The following CACNA1I variants were observed in gnomAD, a reference collection of about 807,000 sequenced individuals.
CACNA1I encodes voltage-dependent T-type calcium channel subunit alpha-1I.
Under a neutral mutation model 201.6 loss-of-function variants are expected in CACNA1I, and 74 were observed. That is an observed-to-expected ratio of 0.37 (90% CI 0.30 to 0.45). CACNA1I has a LOEUF of 0.45. Ranked by LOEUF, CACNA1I falls within the 20% of genes least tolerant of loss-of-function variation. The pLI is 1.00. For synonymous variants in CACNA1I, 1,431 were observed against 1,345.2 expected, an observed-to-expected ratio of 1.06 and a Z score of -1.40; for missense variants, 2,346 against 3,138.1, an observed-to-expected ratio of 0.75 and a Z score of 6.03.
chr22:39,680,207 T>C (rs1171712728), intron 33 of CACNA1I, among the ~76,000 whole-genome samples: 1 of 152,140 alleles, frequency 6.6e-6, no homozygotes, highest in Non-Finnish European at 1.5e-5. Flanking sequence ...TGAGGGGTCA[T>C]CTGCCCGCTC....
intron 1 of CACNA1I, among the ~76,000 whole-genome samples, chr22:39,592,827 CA>C (rs1283829467): frequency 6.6e-6 from 1 of 152,238 alleles, no homozygotes; most frequent in Admixed American, 6.5e-5. Context: ...GGCCAGGCTG[CA>C]GAGTGGCTCA....
intron 1 of CACNA1I, among the ~76,000 whole-genome samples, chr22:39,576,057 G>A (rs1932337431): frequency 6.6e-6 from 1 of 152,194 alleles, no homozygotes; most frequent in Admixed American, 6.5e-5. Flanking sequence ...TTACAGGGGT[G>A]AGCCAATGTG....
chr22:39,657,089 T>G (rs1445411469), intron 10 of CACNA1I, among the ~76,000 whole-genome samples: 2 of 152,164 alleles, frequency 1.3e-5, no homozygotes, highest in Non-Finnish European at 2.9e-5. Flanking sequence ...GGGAAGCAAC[T>G]TTCCCAGGAC....
chr22:39,685,635 C>T lies in CACNA1I; in HGVS notation c.6028-126C>T. The T allele has an allele frequency of 2.5e-6, 2 of 786,182 alleles. No homozygotes were observed. The highest frequency in any genetic ancestry group is 3.7e-6 in the Non-Finnish European group (2 of 543,162). The allele number at this position is 786,182 out of a possible 1,614,324, so 48.7% of individuals were successfully genotyped here. A position where few individuals can be genotyped will look rare whatever the true frequency, so the allele number is the denominator to read the frequency against. On this transcript the variant is annotated intron_variant, in intron 36 of 36. Transcript: ENST00000402142. This position sits in a 1 kb window ranked among gnomAD's most constrained non-coding sequence, Gnocchi z 5.0. ...AAGCTGGACGTGCGGAGGGGAGAAG[C>T]CCTGCTCCGAAGGGAGCTCCTTGGA...
chr22:39,619,545 T>G (rs1043146497), intron 4 of CACNA1I, 138 bp downstream of exon 4: 5 of 664,800 alleles, frequency 7.5e-6, no homozygotes, highest in Non-Finnish European at 8.0e-6. Flanking sequence ...CCGGGTGTGC[T>G]CAGGGATCCT....
intron 5 of CACNA1I, among the ~76,000 whole-genome samples, chr22:39,638,288 G>A (rs927640965): frequency 7.9e-5 from 12 of 152,224 alleles, no homozygotes; most frequent in African/African-American, 2.9e-4. Context: ...ATAGTCAACT[G>A]TCCCAGGACC....
intron 4 of CACNA1I, among the ~76,000 whole-genome samples, chr22:39,631,295 C>T (rs1934054987): frequency 6.6e-6 from 1 of 152,208 alleles, no homozygotes; most frequent in South Asian, 2.1e-4. Context: ...GGGGCTGCAT[C>T]AGGTGTCCTG....
chr22:39,665,350 C>A lies in CACNA1I; in HGVS notation c.3852-148C>A. 1 of 903,042 alleles carries A rather than the reference C, an allele frequency of 1.1e-6. No homozygotes were observed. Among genetic ancestry groups the A allele is most frequent in the Non-Finnish European group, 1.6e-6 (1 of 610,342 alleles). 55.9% of individuals were successfully genotyped at this position (903,042 alleles called of 1,614,324 possible). The stretch of plus-strand genomic sequence containing the variant: ...GCCACTTTCTCTGCATTCCTGGAGA[C>A]TGTCCTCATGCCCCAGGGTGTTCAG... On this transcript the variant is annotated intron_variant, in intron 21 of 36. Coordinates refer to ENST00000402142, the MANE Select transcript of CACNA1I (RefSeq NM_021096.4). The surrounding 1 kb of genome is among the most constrained non-coding windows in gnomAD (Gnocchi z 5.5).
chr22:39,669,748 T>C (rs78348767), intron 24 of CACNA1I, among the ~76,000 whole-genome samples: 3,606 of 152,158 alleles, frequency 0.024, 156 homozygotes, highest in African/African-American at 0.082. Flanking sequence ...GATGGATGGA[T>C]GCATGCATAG....
chr22:39,623,753 T>A (rs564763459), intron 4 of CACNA1I, among the ~76,000 whole-genome samples: 5 of 148,886 alleles, frequency 3.4e-5, no homozygotes, highest in Non-Finnish European at 7.4e-5. Context: ...TGAACATGCG[T>A]GTGTCTATGA....
At chr22:39,668,178 C>G in intron 23 of CACNA1I, 114 bp from the exon 24 acceptor site, 1 of 668,460 alleles carries the variant, frequency 1.5e-6, no homozygotes, top group Middle Eastern at 2.8e-4. Flanking sequence ...CAGAGAAGAC[C>G]TCTTTGTCCC....
At chr22:39,616,459 A>G (rs1473823514) in intron 3 of CACNA1I, among the ~76,000 whole-genome samples, 2 of 152,122 alleles carry the variant, frequency 1.3e-5, no homozygotes, top group African/African-American at 4.8e-5. Context: ...GAGAAACACA[A>G]AGTGTAAGAA....
Position 39,646,848 on chromosome 22 carries a change from C to G in CACNA1I, c.1429C>G (p.Pro477Ala). 6.6e-7 allele frequency: 1 copy of G among 1,522,224 alleles called. No homozygotes were observed. Among genetic ancestry groups the G allele is most frequent in the Non-Finnish European group, 8.8e-7 (1 of 1,136,284 alleles). 94.3% of individuals were successfully genotyped at this position (1,522,224 alleles called of 1,614,324 possible). A position where few individuals can be genotyped will look rare whatever the true frequency, so the allele number is the denominator to read the frequency against. The change falls in exon 8 of 37, where the codon CCT becomes GCT. Residue 477 changes from proline to alanine, a missense_variant. Around this residue, in one of 13 missense-constraint regions of CACNA1I, gnomAD observed 312 missense variants for 331.5 expected, o/e 0.94. Coordinates refer to ENST00000402142, the MANE Select transcript of CACNA1I (RefSeq NM_021096.4). The stretch of plus-strand genomic sequence containing the variant: ...CCCGGAGGCCCCGGCCCCCGCCAAA[C>G]CTGGGCCCCACGCCAAGGAGCCCCG... Reference protein sequence around the residue: ...LGPEAPAPAKPGPHAKEPRHY... With the variant: ...LGPEAPAPAKAGPHAKEPRHY...
At chr22:39,623,400 G>A (rs1284934902) in intron 4 of CACNA1I, among the ~76,000 whole-genome samples, 4 of 152,204 alleles carry the variant, frequency 2.6e-5, no homozygotes, top group Non-Finnish European at 5.9e-5. Flanking sequence ...GCCTGCACAC[G>A]TGAATGGGCA....
chr22:39,661,282 G>A lies in CACNA1I; in HGVS notation c.2873G>A (p.Gly958Glu), dbSNP rs774287837. 1.3e-6 allele frequency: 2 copies of A among 1,596,382 alleles called. No individual in the cohort carries two copies. Among genetic ancestry groups the A allele is most frequent in the East Asian group, 2.2e-5 (1 of 44,680 alleles). Residue 958 changes from glycine (G) to glutamate (E), a missense_variant, in exon 16 of 37, where the codon GGG (glycine) becomes GAG (glutamate). By Grantham distance (98) the Gly-to-Glu change is moderately conservative (BLOSUM62 -2). Coordinates refer to ENST00000402142, the MANE Select transcript of CACNA1I (RefSeq NM_021096.4). Reference protein sequence around the residue: ...GSRKSSVMSLGRMSYDQRSLS... With the variant: ...GSRKSSVMSLERMSYDQRSLS... Reference sequence around the variant, plus strand: ...CGAAAGAGCAGTGTCATGTCTCTAGGGAGGATGAGCTATGACCAGCGCTCC... The same window carrying A: ...CGAAAGAGCAGTGTCATGTCTCTAGAGAGGATGAGCTATGACCAGCGCTCC...
Position 39,685,845 on chromosome 22 carries a change from C to G in CACNA1I, c.6112C>G (p.Leu2038Val). The change falls in exon 37 of 37, where the codon CTG becomes GTG. Residue 2038 changes from leucine (L) to valine (V), a missense_variant. Transcript: ENST00000402142. This position sits in a 1 kb window ranked among gnomAD's most constrained non-coding sequence, Gnocchi z 5.0. ...GACCACGCTCGAGGACAGCCTGACC[C>G]TGAGCGACAGCCCCCGGCGTGCCCT... is the stretch of plus-strand genomic sequence containing the variant. ...LQTTLEDSLT[L>V]SDSPRRALGP... is the part of the protein sequence containing the mutation. 1 of 1,484,694 alleles carries G rather than the reference C, an allele frequency of 6.7e-7. No individual in the cohort carries two copies. The highest frequency in any genetic ancestry group is 8.9e-7 in the Non-Finnish European group (1 of 1,125,952). The allele number at this position is 1,484,694 out of a possible 1,614,324, so 92.0% of individuals were successfully genotyped here. A position where few individuals can be genotyped will look rare whatever the true frequency, so the allele number is the denominator to read the frequency against.
At position 39,642,868 on chromosome 22, in the gene CACNA1I, C is replaced by T; in HGVS notation, c.1128C>T (p.Ile376=). 6.2e-7 allele frequency: 1 copy of T among 1,606,216 alleles called. No individual in the cohort carries two copies. Among genetic ancestry groups the T allele is most frequent in the Non-Finnish European group, 8.5e-7 (1 of 1,174,974 alleles). Residue 376 remains isoleucine, a synonymous_variant, in exon 7 of 37, where the codon ATC becomes ATT. Coordinates refer to ENST00000402142, the MANE Select transcript of CACNA1I (RefSeq NM_021096.4). The part of the protein sequence containing the change: ...VMDAHSFYNF[I]YFILLIIVGS... ...ATGCTCACTCCTTCTACAACTTCAT[C>T]TACTTCATCCTGCTTATCATAGTAA...
chr22:39,618,357 TTG>T (rs557033969), intron 3 of CACNA1I, among the ~76,000 whole-genome samples: 26 of 146,804 alleles, frequency 1.8e-4, no homozygotes, highest in African/African-American at 6.1e-4. Flanking sequence ...GGGTGTGTGG[TTG>T]TGTGCGTGTG....
chr22:39,670,296 C>T, intron 25 of CACNA1I, 66 bp downstream of exon 25: 2 of 1,515,156 alleles, frequency 1.3e-6, no homozygotes, highest in Non-Finnish European at 1.8e-6. Context: ...GGCCTGACCC[C>T]AGCCTCCTGA....
Sources: allele counts gnomAD v4.1 joint callset (sites outside exome capture counted in the v4.1 genomes callset), GRCh38; gene constraint gnomAD v4.1.1; regional missense constraint gnomAD v4.1.1; non-coding constraint Gnocchi (gnomAD v3.1); transcripts MANE v1.5; gene names NCBI Gene and HGNC (gene_info 2026-07-23, HGNC 2026-07-21).